The following UBE2N variants were observed in gnomAD, a reference collection of about 807,000 sequenced individuals.
UBE2N encodes the protein ubiquitin-conjugating enzyme E2 N.
For missense variants in UBE2N, 60 were observed against 192.1 expected, an observed-to-expected ratio of 0.31 and a Z score of 4.07; for synonymous variants, 70 against 69.2, an observed-to-expected ratio of 1.01 and a Z score of -0.06.
At position 93,411,646 on chromosome 12, in the gene UBE2N, C is replaced by A. The variant is rs367583563; in HGVS notation, c.31-347G>T. On this transcript the variant is annotated intron_variant, in intron 1 of 3. Coordinates refer to ENST00000318066, the MANE Select transcript of UBE2N (RefSeq NM_003348.4). Reference sequence around the variant, plus strand: ...CAACTTGCTCTAAACTCAACCAAAACCAAGCTATTTAAAAAGTAAAATTAG... The same window carrying A: ...CAACTTGCTCTAAACTCAACCAAAAACAAGCTATTTAAAAAGTAAAATTAG... 3.3e-5 allele frequency among the ~76,000 whole-genome samples: 5 copies of A among 152,268 alleles called. No homozygotes were observed. In the East Asian group the frequency reaches 7.7e-4, roughly 23 times the overall value.
chr12:93,411,653 A>G (rs1008110987), intron 1 of UBE2N, among the ~76,000 whole-genome samples: 3 of 152,176 alleles, frequency 2.0e-5, no homozygotes, highest in Non-Finnish European at 4.4e-5. Context: ...AAACCAAGCT[A>G]TTTAAAAAGT....
At chr12:93,425,365 T>G (rs930948309) in intron 1 of UBE2N, among the ~76,000 whole-genome samples, 2 of 152,164 alleles carry the variant, frequency 1.3e-5, no homozygotes, top group African/African-American at 4.8e-5. Flanking sequence ...AAAGCAGCAT[T>G]TCTACCATCT....
chr12:93,422,621 T>C (rs1878451159), intron 1 of UBE2N, among the ~76,000 whole-genome samples: 1 of 152,238 alleles, frequency 6.6e-6, no homozygotes, highest in Non-Finnish European at 1.5e-5. Context: ...AAGCCTGTTT[T>C]ATGTGGTGAA....
rs916927427 is a variant in UBE2N at position 93,441,898 on chromosome 12, G to A, written c.-14C>T. On this transcript the variant is annotated 5_prime_UTR_variant, in exon 1 of 4. Transcript: ENST00000318066. ...CAGCCCGGCCATCTTGTCAGAACCC[G>A]AGTTCGGCCTCTGGTCTCGTCTCCG... The A allele has an allele frequency of 3.8e-6, 6 of 1,575,118 alleles. No individual in the cohort carries two copies. Among genetic ancestry groups the A allele is most frequent in the Non-Finnish European group, 5.2e-6 (6 of 1,163,388 alleles).
At chr12:93,410,645 T>C in intron 3 of UBE2N, 89 bp downstream of exon 3, 2 of 1,554,288 alleles carry the variant, frequency 1.3e-6, no homozygotes, top group Non-Finnish European at 1.7e-6. Context: ...TTCTATTTCT[T>C]TTCCTTGCCA....
intron 1 of UBE2N, among the ~76,000 whole-genome samples, chr12:93,418,423 T>C (rs1878291865): frequency 6.6e-6 from 1 of 152,086 alleles, no homozygotes; most frequent in South Asian, 2.1e-4. Context: ...TTCAAGTGCA[T>C]ACCCCTTGCT....
chr12:93,433,921 T>C (rs142865813), intron 1 of UBE2N, among the ~76,000 whole-genome samples: 9 of 152,332 alleles, frequency 5.9e-5, no homozygotes, highest in African/African-American at 2.2e-4. Flanking sequence ...AAGAACCGAA[T>C]TGTACATCAG....
At chr12:93,440,673 A>G (rs1237998279) in intron 1 of UBE2N, among the ~76,000 whole-genome samples, 2 of 152,202 alleles carry the variant, frequency 1.3e-5, no homozygotes, top group Admixed American at 6.5e-5. Context: ...TGATGCTGCA[A>G]TTGAGTCACT....
chr12:93,437,982 T>C (rs868139078), intron 1 of UBE2N, among the ~76,000 whole-genome samples: 17 of 152,242 alleles, frequency 1.1e-4, no homozygotes, highest in Non-Finnish European at 2.9e-5. Context: ...AAGATTGATG[T>C]CCTTTTTAAG....
chr12:93,436,001 T>G (rs1022964148), intron 1 of UBE2N, among the ~76,000 whole-genome samples: 1 of 152,192 alleles, frequency 6.6e-6, no homozygotes, highest in Non-Finnish European at 1.5e-5. Flanking sequence ...GGTAAAATTC[T>G]AATTCCAGCA....
rs185792206 is a variant in UBE2N at position 93,406,743 on chromosome 12, T to C, written c.*3296A>G. 6.6e-6 allele frequency: 1 copy of C among 152,344 alleles called. No homozygotes were observed. The highest frequency in any genetic ancestry group is 6.5e-5 in the Admixed American group (1 of 15,302). The allele number at this position is 152,344 out of a possible 1,614,324, so 9.4% of individuals were successfully genotyped here. A position where few individuals can be genotyped will look rare whatever the true frequency, so the allele number is the denominator to read the frequency against. On this transcript the variant is annotated 3_prime_UTR_variant, in exon 4 of 4. Coordinates refer to ENST00000318066, the MANE Select transcript of UBE2N (RefSeq NM_003348.4). ...TAAATATTAACATAAGCGGGAGGAT[T>C]TGTGTAGATTGTATGCATATACAAC...
At chr12:93,425,572 C>G (rs969614842) in intron 1 of UBE2N, among the ~76,000 whole-genome samples, 2 of 152,126 alleles carry the variant, frequency 1.3e-5, no homozygotes, top group Admixed American at 1.3e-4. Context: ...GGTTAATGAA[C>G]AGATCAACTG....
At chr12:93,421,976 G>C (rs914573427) in intron 1 of UBE2N, among the ~76,000 whole-genome samples, 3 of 152,180 alleles carry the variant, frequency 2.0e-5, no homozygotes, top group African/African-American at 4.8e-5. Context: ...TGTGAGTTAG[G>C]ATACTATTAA....
intron 1 of UBE2N, among the ~76,000 whole-genome samples, chr12:93,441,617 G>A (rs541587844): frequency 2.6e-5 from 4 of 152,084 alleles, no homozygotes; most frequent in African/African-American, 7.2e-5. Flanking sequence ...TGGCCCGCCG[G>A]GCAGCCGCCT....
intron 1 of UBE2N, among the ~76,000 whole-genome samples, chr12:93,434,483 G>C (rs938610334): frequency 5.3e-5 from 8 of 152,226 alleles, no homozygotes; most frequent in Non-Finnish European, 1.5e-5. Flanking sequence ...GGAACTGCTT[G>C]ACACAGAGGA....
intron 1 of UBE2N, 124 bp downstream of exon 1, chr12:93,441,729 CCT>C: frequency 7.5e-7 from 1 of 1,328,990 alleles, no homozygotes; most frequent in South Asian, 1.4e-5. Context: ...GCGGCCAACC[CCT>C]CTCCGCGCCG....
rs1877981121 is a variant in UBE2N, at chr12:93,409,795, G to C, written c.*244C>G. On this transcript the variant is annotated 3_prime_UTR_variant, in exon 4 of 4. Transcript: ENST00000318066. ...GGGGAAATGAATAAAAGCAGGGAGG[G>C]GCCACTGCTTTTAAACGTTTCACAA... is the stretch of plus-strand genomic sequence containing the variant. 1 of 479,732 alleles carries C rather than the reference G, an allele frequency of 2.1e-6. No homozygotes were observed. Among genetic ancestry groups the C allele is most frequent in the South Asian group, 2.9e-5 (1 of 34,030 alleles). The allele number at this position is 479,732 out of a possible 1,614,324, so 29.7% of individuals were successfully genotyped here. A position where few individuals can be genotyped will look rare whatever the true frequency, so the allele number is the denominator to read the frequency against.
chr12:93,422,800 ATTTGTCTATGT>A (rs1366827244), intron 1 of UBE2N, among the ~76,000 whole-genome samples: 1 of 151,798 alleles, frequency 6.6e-6, no homozygotes, highest in Non-Finnish European at 1.5e-5. Context: ...AATTTTAGTC[ATTTGTCTATGT>A]TAACTATTAA....
chr12:93,429,991 C>CA (rs1239883554), intron 1 of UBE2N, among the ~76,000 whole-genome samples: 24 of 152,252 alleles, frequency 1.6e-4, no homozygotes, highest in African/African-American at 5.8e-4. Flanking sequence ...CCTAAGTGTA[C>CA]AATGCTTATA....
Sources: allele counts gnomAD v4.1 joint callset (sites outside exome capture counted in the v4.1 genomes callset), GRCh38; gene constraint gnomAD v4.1.1; transcripts MANE v1.5; gene names NCBI Gene and HGNC (gene_info 2026-07-23, HGNC 2026-07-21).